PYGO1: variants seen among roughly 807,000 people sequenced by gnomAD.
The protein encoded by PYGO1 is pygopus family PHD finger 1.
PYGO1 carries 6 observed loss-of-function variants against 29.5 expected under a neutral mutation model. The ratio of observed to expected loss-of-function variants is 0.20; its 90% CI spans 0.11 to 0.40. PYGO1 has a LOEUF of 0.40. PYGO1 is among the 10% of genes least tolerant of loss of function. PYGO1 has a pLI of 1.00. For synonymous variants in PYGO1, 186 were observed against 180.5 expected, an observed-to-expected ratio of 1.03 and a Z score of -0.24; for missense variants, 515 against 514.9, an observed-to-expected ratio of 1.00 and a Z score of 0.00.
At chr15:55,588,737 A>T, upstream of PYGO1, 2 of 1,536,780 alleles carry the variant, frequency 1.3e-6, no homozygotes, top group Non-Finnish European at 1.8e-6. Flanking sequence ...GCATCTCCGA[A>T]CTTCGTCGGA....
rs1314329530 is a variant in PYGO1, at chr15:55,542,182, A to C, written c.*3841T>G. 2.0e-5 allele frequency: 3 copies of C among 152,180 alleles called. No homozygotes were observed. The highest frequency in any genetic ancestry group is 4.4e-5 in the Non-Finnish European group (3 of 68,020). The allele number at this position is 152,180 out of a possible 1,614,324, so 9.4% of individuals were successfully genotyped here. A position where few individuals can be genotyped will look rare whatever the true frequency, so the allele number is the denominator to read the frequency against. On this transcript the variant is annotated 3_prime_UTR_variant, in exon 3 of 3. Coordinates refer to ENST00000563719, the MANE Select transcript of PYGO1 (RefSeq NM_001367806.1). The stretch of plus-strand genomic sequence containing the variant: ...ATTGAACAATAAGTGCTAAAACTCT[A>C]ATTTGTTCGAGACAAACAAGTTTGA...
chr15:55,584,562 G>T (rs955301295), intron 1 of PYGO1, among the ~76,000 whole-genome samples: 1 of 152,154 alleles, frequency 6.6e-6, no homozygotes, highest in South Asian at 2.1e-4. Flanking sequence ...TTAAAATAAC[G>T]ATGGCAGTTG....
In PYGO1 at chr15:55,540,918, T is replaced by A. The variant is rs1198932227; in HGVS notation, c.*5105A>T. ...AAGAAATAGTTTTAATATGAAACAA[T>A]CATTTAAGTCACATACATCATGATA... is the stretch of plus-strand genomic sequence containing the variant. On this transcript the variant is annotated 3_prime_UTR_variant, in exon 3 of 3. Transcript: ENST00000563719. 1 of 152,204 alleles carries A rather than the reference T, an allele frequency of 6.6e-6. No homozygotes were observed. Among genetic ancestry groups the A allele is most frequent in the Non-Finnish European group, 1.5e-5 (1 of 68,024 alleles). 9.4% of individuals were successfully genotyped at this position (152,204 alleles called of 1,614,324 possible). A position where few individuals can be genotyped will look rare whatever the true frequency, so the allele number is the denominator to read the frequency against.
At chr15:55,554,010 C>T (rs573629674) in intron 1 of PYGO1, among the ~76,000 whole-genome samples, 16 of 152,060 alleles carry the variant, frequency 1.1e-4, no homozygotes, top group African/African-American at 3.6e-4. Flanking sequence ...CAAAAAAGAC[C>T]CCACAAAAAC....
At chr15:55,573,338 T>C (rs2058988003) in intron 1 of PYGO1, among the ~76,000 whole-genome samples, 1 of 150,906 alleles carries the variant, frequency 6.6e-6, no homozygotes, top group Non-Finnish European at 1.5e-5. Context: ...AGACAAGAGA[T>C]AGCAAGTGTT....
At chr15:55,561,491 C>A (rs2058932567) in intron 1 of PYGO1, among the ~76,000 whole-genome samples, 1 of 152,112 alleles carries the variant, frequency 6.6e-6, no homozygotes, top group African/African-American at 2.4e-5. Flanking sequence ...GAAGAGTGAG[C>A]AAAGGAGGAA....
In PYGO1 at chr15:55,545,964, G is replaced by A; in HGVS notation, c.*59C>T. ...AAATAATGTAAAACATTAAAATCCT[G>A]TGTCAATGAACTTCTGCAATGCACA... is the stretch of plus-strand genomic sequence containing the variant. On this transcript the variant is annotated 3_prime_UTR_variant, in exon 3 of 3. Coordinates refer to ENST00000563719, the MANE Select transcript of PYGO1 (RefSeq NM_001367806.1). 4.8e-6 allele frequency: 7 copies of A among 1,448,816 alleles called. No homozygotes were observed. The highest frequency in any genetic ancestry group is 5.6e-6 in the Non-Finnish European group (6 of 1,073,096). 89.7% of individuals were successfully genotyped at this position (1,448,816 alleles called of 1,614,324 possible). A position where few individuals can be genotyped will look rare whatever the true frequency, so the allele number is the denominator to read the frequency against.
intron 2 of PYGO1, among the ~76,000 whole-genome samples, chr15:55,547,762 A>G (rs2058858894): frequency 2.0e-5 from 3 of 152,244 alleles, no homozygotes; most frequent in African/African-American, 7.2e-5. Context: ...CCTTTATCAT[A>G]GAAAGAGTGC....
intron 1 of PYGO1, among the ~76,000 whole-genome samples, chr15:55,562,309 AC>A (rs1255969064): frequency 6.6e-6 from 1 of 152,228 alleles, no homozygotes; most frequent in Non-Finnish European, 1.5e-5. Flanking sequence ...AGGCAGAAAT[AC>A]CATTGGACCC....
At chr15:55,583,475 C>T (rs193112951) in intron 1 of PYGO1, among the ~76,000 whole-genome samples, 10 of 150,854 alleles carry the variant, frequency 6.6e-5, no homozygotes, top group Admixed American at 4.0e-4. Flanking sequence ...TTTTAAGCCA[C>T]ATCTTCATCA....
intron 1 of PYGO1, among the ~76,000 whole-genome samples, chr15:55,561,370 G>T (rs780196954): frequency 6.6e-6 from 1 of 152,194 alleles, no homozygotes; most frequent in Admixed American, 6.5e-5. Context: ...AATTTATAAA[G>T]GAAACAGGTT....
In PYGO1 at chr15:55,546,312, T is replaced by G. The variant is rs772173374; in HGVS notation, c.971A>C (p.Lys324Thr). 1.2e-6 allele frequency: 2 copies of G among 1,614,134 alleles called. No individual in the cohort carries two copies. The highest frequency in any genetic ancestry group is 4.5e-5 in the East Asian group (2 of 44,888). Residue 324 changes from lysine to threonine, a missense_variant, in exon 3 of 3, where the codon AAA (lysine) becomes ACA (threonine). By Grantham distance (78) the Lys-to-Thr change is moderately conservative. Transcript: ENST00000563719. The stretch of plus-strand genomic sequence containing the variant: ...ATGACGGTTTGGGTGAAGAGAGGAT[T>G]TATTGCTTTTTTCTGTGGTGCAGGC... ...ADACTTEKSNKSSLHPNRHGH... is the reference protein window; with the variant it reads ...ADACTTEKSNTSSLHPNRHGH...
At chr15:55,584,561 C>CA (rs2059038834) in intron 1 of PYGO1, among the ~76,000 whole-genome samples, 1 of 152,062 alleles carries the variant, frequency 6.6e-6, no homozygotes, top group African/African-American at 2.4e-5. Flanking sequence ...GTTAAAATAA[C>CA]GATGGCAGTT....
chr15:55,561,280 C>T (rs1008990583), intron 1 of PYGO1, among the ~76,000 whole-genome samples: 2 of 152,144 alleles, frequency 1.3e-5, no homozygotes, highest in Non-Finnish European at 2.9e-5. Flanking sequence ...AACTGGCTAG[C>T]CATATGCAGA....
chr15:55,555,569 T>C (rs1476094620), intron 1 of PYGO1, among the ~76,000 whole-genome samples: 2 of 149,684 alleles, frequency 1.3e-5, no homozygotes, highest in African/African-American at 4.9e-5. Context: ...ATATACCTAA[T>C]GCTAAATGAC....
At chr15:55,569,043 A>G (rs2058969254) in intron 1 of PYGO1, among the ~76,000 whole-genome samples, 1 of 151,658 alleles carries the variant, frequency 6.6e-6, no homozygotes, top group Admixed American at 6.6e-5. Context: ...ATACTGGCCT[A>G]TAGCTTTCTT....
In PYGO1 at chr15:55,545,707, A is replaced by G; in HGVS notation, c.*316T>C. The G allele has an allele frequency of 9.9e-6, 2 of 202,778 alleles. No homozygotes were observed. Among genetic ancestry groups the G allele is most frequent in the Non-Finnish European group, 2.0e-5 (2 of 101,070 alleles). The allele number at this position is 202,778 out of a possible 1,614,324, so 12.6% of individuals were successfully genotyped here. ...GAAATACACGTTTTTCAATGATTCTAACTTTTAAAAGTTAAAACTTGCCTA... is the reference window on the plus strand; with the variant it reads ...GAAATACACGTTTTTCAATGATTCTGACTTTTAAAAGTTAAAACTTGCCTA... On this transcript the variant is annotated 3_prime_UTR_variant, in exon 3 of 3. Coordinates refer to ENST00000563719, the MANE Select transcript of PYGO1 (RefSeq NM_001367806.1).
rs1009744833 is a variant in PYGO1 at position 55,543,161 on chromosome 15, G to T, written c.*2862C>A. ...CCAAAAAAGGTACAATTCCACCTGT[G>T]TTTTTTTCCATCACTGCATATTTTT... On this transcript the variant is annotated 3_prime_UTR_variant, in exon 3 of 3. Transcript: ENST00000563719. 6.6e-6 allele frequency: 1 copy of T among 151,826 alleles called. No individual in the cohort carries two copies. Among genetic ancestry groups the T allele is most frequent in the East Asian group, 1.9e-4 (1 of 5,168 alleles). The allele number at this position is 151,826 out of a possible 1,614,324, so 9.4% of individuals were successfully genotyped here. A position where few individuals can be genotyped will look rare whatever the true frequency, so the allele number is the denominator to read the frequency against.
chr15:55,557,254 A>C (rs536951780), intron 1 of PYGO1, among the ~76,000 whole-genome samples: 1 of 152,328 alleles, frequency 6.6e-6, no homozygotes, highest in African/African-American at 2.4e-5. Flanking sequence ...AGAAATGCAT[A>C]AATTCCTCGA....
Sources: gnomAD v4.1 joint callset for allele counts (sites outside exome capture counted in the v4.1 genomes callset) on GRCh38, gnomAD v4.1.1 for gene constraint, MANE v1.5 for transcripts, NCBI Gene and HGNC (gene_info 2026-07-23, HGNC 2026-07-21) for gene names.